Variants in PLXNC1 observed in about 807,000 individuals in gnomAD.
The protein encoded by PLXNC1 is plexin-C1.
In PLXNC1, 75 loss-of-function variants were observed where a neutral mutation model predicts 178.2. That is an observed-to-expected ratio of 0.42 (90% CI 0.35 to 0.51). The LOEUF is 0.51. PLXNC1 is among the 20% of genes least tolerant of loss of function. PLXNC1 has a pLI of 0.02. For missense variants in PLXNC1, 1,503 were observed against 1,984.4 expected (o/e 0.76, Z 4.61); for synonymous variants, 790 against 779.9 (o/e 1.01, Z -0.22).
rs562446087 is a variant in PLXNC1, at chr12:94,227,163, G to A, written c.1908G>A (p.Val636=). Residue 636 remains valine, a synonymous_variant, in exon 9 of 31, where the codon GTG becomes GTA. Transcript: ENST00000258526. ...CTCCATTCCAGGAACAGTGTCCAGT[G>A]GCTGTCGAGAAGACATCAGGAGGAG... The part of the protein sequence containing the change: ...DYERNQEQCP[V]AVEKTSGGGR... 1 of 1,610,910 alleles carries A rather than the reference G, an allele frequency of 6.2e-7. No homozygotes were observed. The highest frequency in any genetic ancestry group is 1.1e-5 in the South Asian group (1 of 91,014).
chr12:94,300,190 A>G (rs1289485086), intron 27 of PLXNC1, among the ~76,000 whole-genome samples: 2 of 152,226 alleles, frequency 1.3e-5, no homozygotes, highest in South Asian at 2.1e-4. Context: ...ACTAAATGCA[A>G]TATGCAAACA....
intron 21 of PLXNC1, among the ~76,000 whole-genome samples, chr12:94,273,707 C>A (rs1358142664): frequency 3.3e-5 from 5 of 152,132 alleles, no homozygotes; most frequent in Non-Finnish European, 7.3e-5. Flanking sequence ...ATTTGTATCA[C>A]CTACAGTGCC....
chr12:94,201,748 CTTTTTTTTTTTTTTTTTTTTTTTTTTTT>C (rs10529488), intron 4 of PLXNC1, among the ~76,000 whole-genome samples: 7 of 54,422 alleles, frequency 1.3e-4, no homozygotes, highest in African/African-American at 5.1e-4. Context: ...CTTCCCACTA[CTTTTTTTTTTTTTTTTTTTTTTTTTTTT>C]TTTTTTTTTT....
chr12:94,294,390 C>G lies in PLXNC1; in HGVS notation c.3880-96C>G, dbSNP rs543561101. On this transcript the variant is annotated intron_variant, in intron 23 of 30. Transcript: ENST00000258526. ...GATAAATATTTGATTTAATAAGTGA[C>G]AGCATGTAAGATCCATCCAGCCATC... 5 of 620,402 alleles carry G rather than the reference C, an allele frequency of 8.1e-6. No homozygotes were observed. In the South Asian group the frequency reaches 8.7e-5, roughly 11 times the overall value. The allele number at this position is 620,402 out of a possible 1,614,324, so 38.4% of individuals were successfully genotyped here.
intron 9 of PLXNC1, among the ~76,000 whole-genome samples, chr12:94,232,064 C>T (rs183966608): frequency 6.6e-6 from 1 of 152,294 alleles, no homozygotes; most frequent in African/African-American, 2.4e-5. Flanking sequence ...CTCTTCCTTG[C>T]ACCTCCTCTT....
chr12:94,240,461 A>G lies in PLXNC1; in HGVS notation c.2121-24A>G, dbSNP rs1372058996. On this transcript the variant is annotated intron_variant, in intron 10 of 30. Coordinates refer to ENST00000258526, the MANE Select transcript of PLXNC1 (RefSeq NM_005761.3). Reference sequence around the variant, plus strand: ...GTGCTAAGTGTCTGTGTCATGTGAGAGTTCTTTTTCTACTCTTTTCTAGGA... The same window carrying G: ...GTGCTAAGTGTCTGTGTCATGTGAGGGTTCTTTTTCTACTCTTTTCTAGGA... 6 of 1,588,352 alleles carry G rather than the reference A, an allele frequency of 3.8e-6. No homozygotes were observed. In the Admixed American group the frequency reaches 8.5e-5, roughly 22 times the overall value.
At chr12:94,153,891 C>T (rs1427439297) in intron 1 of PLXNC1, among the ~76,000 whole-genome samples, 1 of 152,220 alleles carries the variant, frequency 6.6e-6, no homozygotes, top group African/African-American at 2.4e-5. Flanking sequence ...CATCCCAGTT[C>T]CACTTGGCGA....
At chr12:94,294,373 T>C in intron 23 of PLXNC1, 113 bp from the exon 24 acceptor site, 3 of 590,196 alleles carry the variant, frequency 5.1e-6, no homozygotes, top group Non-Finnish European at 6.3e-6. Context: ...TTGATAAATA[T>C]TTGATTTAAT....
intron 20 of PLXNC1, 104 bp from the exon 21 acceptor site, chr12:94,264,975 A>G (rs762191956): frequency 8.5e-7 from 1 of 1,178,730 alleles, no homozygotes; most frequent in Admixed American, 2.2e-5. Flanking sequence ...GAGTGTTAGA[A>G]AACCCTGTCT....
rs139011276 is a variant in PLXNC1, at chr12:94,185,758, A to G, written c.1339-615A>G. On this transcript the variant is annotated intron_variant, in intron 3 of 30. Transcript: ENST00000258526. ...CGTCCCTGGTCCTCCTCGTTTCCAC[A>G]TTGAGTGCCAAACTCCTGCTGACAC... 1.3e-4 allele frequency among the ~76,000 whole-genome samples: 20 copies of G among 152,322 alleles called. No individual in the cohort carries two copies. The East Asian group carries it at 3.7e-3, about 28-fold the overall frequency.
At position 94,306,384 on chromosome 12, in the gene PLXNC1, G is replaced by A. The variant is rs1969019630; in HGVS notation, c.*1099G>A. ...TACTTTTTGAAAGTATTCCTCGCAG[G>A]AGAAAGAATTTAAAATACCCATTTT... On this transcript the variant is annotated 3_prime_UTR_variant, in exon 31 of 31. Transcript: ENST00000258526. 1 of 152,098 alleles carries A rather than the reference G, an allele frequency of 6.6e-6. No individual in the cohort carries two copies. The highest frequency in any genetic ancestry group is 2.4e-5 in the African/African-American group (1 of 41,436). 9.4% of individuals were successfully genotyped at this position (152,098 alleles called of 1,614,324 possible). A position where few individuals can be genotyped will look rare whatever the true frequency, so the allele number is the denominator to read the frequency against.
In PLXNC1 at chr12:94,149,505, G is replaced by A. The variant is rs1040936567; in HGVS notation, c.534G>A (p.Ala178=). ...RAGRNNRWYL[A]VAATYVLPEP... The stretch of plus-strand genomic sequence containing the variant: ...GCCGGAACAACCGCTGGTACCTGGC[G>A]GTGGCCGCCACCTACGTGCTGCCTG... Residue 178 remains alanine, a synonymous_variant, in exon 1 of 31, where the codon GCG becomes GCA. Coordinates refer to ENST00000258526, the MANE Select transcript of PLXNC1 (RefSeq NM_005761.3). 3.3e-6 allele frequency: 5 copies of A among 1,533,638 alleles called. No homozygotes were observed. The highest frequency in any genetic ancestry group is 4.4e-6 in the Non-Finnish European group (5 of 1,145,718).
Position 94,231,257 on chromosome 12 carries a change from C to T in PLXNC1, c.1980+4022C>T, listed in dbSNP as rs573540513. On this transcript the variant is annotated intron_variant, in intron 9 of 30. Transcript: ENST00000258526. ...CGAGAAGCATCCAGACACATGAATGCGGGTATTTGAAGCAGAGGAACCAGC... is the reference window on the plus strand; with the variant it reads ...CGAGAAGCATCCAGACACATGAATGTGGGTATTTGAAGCAGAGGAACCAGC... Among the ~76,000 whole-genome samples the T allele has an allele frequency of 5.3e-5, 8 of 152,184 alleles. No homozygotes were observed. The South Asian group carries it at 1.0e-3, about 20-fold the overall frequency.
rs776470674 is a variant in PLXNC1, at chr12:94,248,011, T to C, written c.2497T>C (p.Leu833=). ...TVKLRVQDTY[L]DCGTLQYRED... ...GAAGCTGAGAGTACAAGACACCTAC[T>C]TGGATTGTGGAACCCTGCAGTATCG... is the stretch of plus-strand genomic sequence containing the variant. The change falls in exon 13 of 31, where the codon TTG becomes CTG. Residue 833 remains leucine, a synonymous_variant. Coordinates refer to ENST00000258526, the MANE Select transcript of PLXNC1 (RefSeq NM_005761.3). 1.9e-6 allele frequency: 3 copies of C among 1,614,164 alleles called. No individual in the cohort carries two copies. Among genetic ancestry groups the C allele is most frequent in the Non-Finnish European group, 2.5e-6 (3 of 1,179,992 alleles).
intron 1 of PLXNC1, among the ~76,000 whole-genome samples, chr12:94,162,674 T>C (rs1399987293): frequency 6.6e-6 from 1 of 152,028 alleles, no homozygotes; most frequent in Non-Finnish European, 1.5e-5. Context: ...TTTGAGATTA[T>C]TGGGAAATTC....
intron 17 of PLXNC1, among the ~76,000 whole-genome samples, chr12:94,256,843 CCAA>C (rs768265658): frequency 1.4e-5 from 1 of 70,954 alleles, no homozygotes; most frequent in Non-Finnish European, 2.7e-5. Flanking sequence ...TTGAGTGTTT[CCAA>C]AAAAAAAAAA....
At chr12:94,254,392 G>A (rs185628099) in intron 15 of PLXNC1, 472 of 392,230 alleles carry the variant, frequency 1.2e-3, no homozygotes, top group Admixed American at 2.3e-3. Context: ...ATTTCTCCAG[G>A]GATGCTTACA....
intron 1 of PLXNC1, among the ~76,000 whole-genome samples, chr12:94,163,842 A>G (rs761470691): frequency 2.0e-5 from 3 of 152,206 alleles, no homozygotes; most frequent in Non-Finnish European, 4.4e-5. Flanking sequence ...TGTATACACT[A>G]GAATGGAGAA....
rs768129714 is a variant in PLXNC1 at position 94,265,049 on chromosome 12, G to A, written c.3451-30G>A. ...GAAAGTACAGTGGATTCCACAGAAAGCTAACTGTCACTTTTGTGTCTTTTC... is the reference window on the plus strand; with the variant it reads ...GAAAGTACAGTGGATTCCACAGAAAACTAACTGTCACTTTTGTGTCTTTTC... On this transcript the variant is annotated intron_variant, in intron 20 of 30. Transcript: ENST00000258526. 9.9e-6 allele frequency: 16 copies of A among 1,610,824 alleles called. No homozygotes were observed. In the Admixed American group the frequency reaches 2.0e-4, roughly 20 times the overall value.
Sources: gnomAD v4.1 joint callset for allele counts (sites outside exome capture counted in the v4.1 genomes callset) on GRCh38, gnomAD v4.1.1 for gene constraint, MANE v1.5 for transcripts, NCBI Gene and HGNC (gene_info 2026-07-23, HGNC 2026-07-21) for gene names.